The following PCDHGA3 variants were observed in gnomAD, a reference collection of about 807,000 sequenced individuals.
PCDHGA3 encodes the protein protocadherin gamma subfamily A, 3.
In PCDHGA3, 40 loss-of-function variants were observed where a neutral mutation model predicts 58.5. The ratio of observed to expected loss-of-function variants is 0.68; its 90% CI spans 0.53 to 0.89. The LOEUF is 0.89. Ranked by LOEUF, PCDHGA3 falls within the 40% of genes least tolerant of loss-of-function variation. The pLI is 0.00. For synonymous variants in PCDHGA3, 530 were observed against 525.7 expected (o/e 1.01, Z -0.11); for missense variants, 1,223 against 1,195.9 (o/e 1.02, Z -0.33).
Position 141,491,620 on chromosome 5 carries a change from A to C in PCDHGA3, c.2425-3187A>C. On this transcript the variant is annotated intron_variant, in intron 1 of 3. Coordinates refer to ENST00000253812, the MANE Select transcript of PCDHGA3 (RefSeq NM_018916.4). This position sits in a 1 kb window ranked among gnomAD's most constrained non-coding sequence, Gnocchi z 6.9. ...TGACTTCACTTTTCTAAGACCCCTC[A>C]GCGTTCAGCAGCCCACAGCTCTGGC... is the stretch of plus-strand genomic sequence containing the variant. 6.2e-7 allele frequency: 1 copy of C among 1,613,906 alleles called. No individual in the cohort carries two copies. The highest frequency in any genetic ancestry group is 1.1e-5 in the South Asian group (1 of 91,084).
intron 1 of PCDHGA3, among the ~76,000 whole-genome samples, chr5:141,451,403 G>A (rs2154563571): frequency 6.6e-6 from 1 of 152,288 alleles, no homozygotes; most frequent in South Asian, 2.1e-4. Context: ...GCAAAATTAA[G>A]TTCCTTGTGG....
At chr5:141,446,968 G>A (rs1052445705) in intron 1 of PCDHGA3, among the ~76,000 whole-genome samples, 12 of 152,050 alleles carry the variant, frequency 7.9e-5, no homozygotes, top group African/African-American at 2.4e-4. Flanking sequence ...AGGGAAATTT[G>A]CTGTCTAATT....
chr5:141,371,918 C>A (rs1055994137), intron 1 of PCDHGA3: 4 of 1,613,254 alleles, frequency 2.5e-6, no homozygotes, highest in East Asian at 2.2e-5. Flanking sequence ...TGTCCGTGAG[C>A]GCGCGGAGCG....
At chr5:141,428,286 A>G in intron 1 of PCDHGA3, 1 of 730,462 alleles carries the variant, frequency 1.4e-6, no homozygotes, top group Non-Finnish European at 2.4e-6. Flanking sequence ...ATTCCCAAGC[A>G]AAGCTGCAGA....
chr5:141,506,177 G>T (rs1024892091), intron 3 of PCDHGA3, among the ~76,000 whole-genome samples: 4 of 152,142 alleles, frequency 2.6e-5, no homozygotes, highest in African/African-American at 9.7e-5. Context: ...TAAGCTGGGC[G>T]TGGTGGCTCA....
chr5:141,374,564 G>C (rs898196714), intron 1 of PCDHGA3: 10 of 1,613,616 alleles, frequency 6.2e-6, no homozygotes, highest in Middle Eastern at 1.6e-4. Flanking sequence ...CTATGACCCT[G>C]ATGTGGGAAT....
rs11953770 is a variant in PCDHGA3 at position 141,510,741 on chromosome 5, C to T, written c.2573-206C>T. On this transcript the variant is annotated intron_variant, in intron 3 of 3. Coordinates refer to ENST00000253812, the MANE Select transcript of PCDHGA3 (RefSeq NM_018916.4). ...TAAGGAAAGGAGCTAGGAATCAAACCTAGACTTTCTCACTCCAGAGCCTCT... is the reference window on the plus strand; with the variant it reads ...TAAGGAAAGGAGCTAGGAATCAAACTTAGACTTTCTCACTCCAGAGCCTCT... Among the ~76,000 whole-genome samples the T allele has an allele frequency of 2.6e-5, 4 of 152,138 alleles. No homozygotes were observed. In the South Asian group the frequency reaches 8.3e-4, roughly 32 times the overall value.
chr5:141,348,170 G>A (rs1267534458), intron 1 of PCDHGA3, among the ~76,000 whole-genome samples: 2 of 152,200 alleles, frequency 1.3e-5, no homozygotes, highest in African/African-American at 4.8e-5. Context: ...ACCAAAATAT[G>A]TTTTATTAGA....
chr5:141,412,664 A>G (rs959517920), intron 1 of PCDHGA3: 10 of 152,288 alleles, frequency 6.6e-5, no homozygotes, highest in African/African-American at 2.4e-4. Flanking sequence ...AGACACTAAT[A>G]TGACCTAAAA....
chr5:141,506,544 G>GT (rs2099854759), intron 3 of PCDHGA3, among the ~76,000 whole-genome samples: 1 of 151,880 alleles, frequency 6.6e-6, no homozygotes, highest in Non-Finnish European at 1.5e-5. Flanking sequence ...GAGTCCTTAG[G>GT]TAAGTTATTA....
At chr5:141,349,642 T>A (rs776497307) in intron 1 of PCDHGA3, among the ~76,000 whole-genome samples, 1 of 152,244 alleles carries the variant, frequency 6.6e-6, no homozygotes, top group African/African-American at 2.4e-5. Flanking sequence ...ATGGAGAGAT[T>A]TAAAATACTA....
intron 1 of PCDHGA3, among the ~76,000 whole-genome samples, chr5:141,444,203 C>A (rs2098425806): frequency 1.3e-5 from 1 of 79,180 alleles, no homozygotes; most frequent in Admixed American, 2.0e-4. Context: ...TGGAGTTTCA[C>A]TCTTGTTGCC....
chr5:141,383,324 T>C (rs750393068), intron 1 of PCDHGA3: 2 of 1,613,904 alleles, frequency 1.2e-6, no homozygotes, highest in African/African-American at 1.3e-5. Flanking sequence ...AATGTAAAAA[T>C]AATGGAGAAT....
intron 1 of PCDHGA3, chr5:141,418,445 T>C (rs2154547687): frequency 2.5e-6 from 4 of 1,614,038 alleles, no homozygotes; most frequent in East Asian, 2.2e-5. Context: ...AGAATTAGTA[T>C]TGCAGAAGAC....
chr5:141,357,700 A>G (rs1760703267), intron 1 of PCDHGA3: 1 of 1,495,926 alleles, frequency 6.7e-7, no homozygotes, highest in Non-Finnish European at 9.0e-7. Context: ...TTTTATATGT[A>G]ATATATCAAA....
At chr5:141,498,971 GGGAAGGAAGGAAGGAAGGAA>G (rs201769957) in intron 2 of PCDHGA3, among the ~76,000 whole-genome samples, 1,566 of 111,048 alleles carry the variant, frequency 0.014, 32 homozygotes, top group African/African-American at 0.048. Flanking sequence ...GAGGGAGGGA[GGGAAGGAAGGAAGGAAGGAA>G]GGAAGGAAGG....
chr5:141,410,080 G>A (rs758499736), intron 1 of PCDHGA3: 2 of 1,612,672 alleles, frequency 1.2e-6, no homozygotes, highest in African/African-American at 2.7e-5. Context: ...CTGGGGAGGT[G>A]CGCACGGCTC....
At chr5:141,399,642 G>A (rs755191053) in intron 1 of PCDHGA3, 154 of 1,613,630 alleles carry the variant, frequency 9.5e-5, no homozygotes, top group East Asian at 4.2e-4. Context: ...CCATGAGCGC[G>A]CAAAGTGGGG....
At chr5:141,351,111 G>A in intron 1 of PCDHGA3, 1 of 1,614,030 alleles carries the variant, frequency 6.2e-7, no homozygotes. Flanking sequence ...TCCCCAATAA[G>A]TACCAGCCTC....
Sources: gnomAD v4.1 joint callset for allele counts (sites outside exome capture counted in the v4.1 genomes callset) on GRCh38, gnomAD v4.1.1 for gene constraint, Gnocchi (gnomAD v3.1) non-coding constraint, MANE v1.5 for transcripts, NCBI Gene and HGNC (gene_info 2026-07-23, HGNC 2026-07-21) for gene names.